RBM20: variants seen among roughly 807,000 people sequenced by gnomAD.
RBM20 encodes RNA-binding protein 20.
A neutral mutation model predicts 110.1 loss-of-function variants in RBM20; 51 were observed. The observed-to-expected ratio is 0.46, with a 90% CI of 0.37 to 0.59. The LOEUF is 0.59. RBM20 is among the 20% of genes least tolerant of loss of function. The pLI, the probability that RBM20 is intolerant of heterozygous loss-of-function variation, is 0.00. For synonymous variants in RBM20, 589 were observed against 618.2 expected, an observed-to-expected ratio of 0.95 and a Z score of 0.70; for missense variants, 1,512 against 1,574.9, an observed-to-expected ratio of 0.96 and a Z score of 0.68.
chr10:110,672,015 C>A (rs1862266687), intron 1 of RBM20, among the ~76,000 whole-genome samples: 1 of 152,012 alleles, frequency 6.6e-6, no homozygotes, highest in Admixed American at 6.6e-5. Context: ...CAAATTCACC[C>A]CAGAGGGACA....
At position 110,812,571 on chromosome 10, in the gene RBM20, A is replaced by C. The variant is rs967504449; in HGVS notation, c.2174A>C (p.Glu725Ala). Residue 725 changes from glutamate (E) to alanine (A), a missense_variant, in exon 9 of 14, where the codon GAG becomes GCG. Around this residue, in one of 3 missense-constraint regions of RBM20, gnomAD observed 1,149 missense variants for 1,169.4 expected, o/e 0.98. Transcript: ENST00000369519. ...CAACTGGACAAGGCTGAGTTGGACG[A>C]GCGACCAGAAGGAGGGAGGCCCCAC... ...PRQLDKAELD[E>A]RPEGGRPHRE... 2.6e-6 allele frequency: 4 copies of C among 1,551,708 alleles called. No individual in the cohort carries two copies. In the East Asian group the frequency reaches 9.8e-5, roughly 38 times the overall value.
intron 1 of RBM20, among the ~76,000 whole-genome samples, chr10:110,667,418 G>C (rs1353870742): frequency 1.3e-5 from 2 of 152,196 alleles, no homozygotes; most frequent in Non-Finnish European, 2.9e-5. Flanking sequence ...TTTCTACCTG[G>C]CTCCATTTTA....
At chr10:110,655,721 A>G (rs1439176546) in intron 1 of RBM20, among the ~76,000 whole-genome samples, 5 of 152,214 alleles carry the variant, frequency 3.3e-5, no homozygotes, top group Non-Finnish European at 4.4e-5. Flanking sequence ...TTAAGAAACC[A>G]TGGTCTGTAA....
At chr10:110,800,536 A>G (rs569888000) in intron 7 of RBM20, among the ~76,000 whole-genome samples, 9 of 152,282 alleles carry the variant, frequency 5.9e-5, no homozygotes, top group Admixed American at 1.3e-4. Flanking sequence ...TATATATTGT[A>G]TGGTTTAAAA....
At chr10:110,796,301 T>G (rs1350151094) in intron 5 of RBM20, among the ~76,000 whole-genome samples, 1 of 152,252 alleles carries the variant, frequency 6.6e-6, no homozygotes, top group East Asian at 1.9e-4. Context: ...TTGCAAAAAT[T>G]TTTAAACATA....
chr10:110,756,766 C>T (rs1042457406), intron 1 of RBM20: 4 of 152,224 alleles, frequency 2.6e-5, no homozygotes, highest in African/African-American at 4.8e-5. Flanking sequence ...ACGATATATG[C>T]ATCAGAGCAG....
chr10:110,807,385 A>T (rs1183010008), intron 7 of RBM20, among the ~76,000 whole-genome samples: 1 of 152,212 alleles, frequency 6.6e-6, no homozygotes, highest in African/African-American at 2.4e-5. Flanking sequence ...AGCTCACTCT[A>T]ACTGCACCTC....
At chr10:110,806,320 T>C (rs904156702) in intron 7 of RBM20, among the ~76,000 whole-genome samples, 4 of 150,838 alleles carry the variant, frequency 2.7e-5, no homozygotes, top group Non-Finnish European at 5.9e-5. Context: ...AGAAAAGAGC[T>C]TTAATTGGCT....
chr10:110,807,943 C>T (rs550088445), intron 7 of RBM20, among the ~76,000 whole-genome samples: 10 of 152,330 alleles, frequency 6.6e-5, no homozygotes, highest in East Asian at 5.8e-4. Flanking sequence ...GGCTTCCCGG[C>T]GATGGCAGAT....
intron 1 of RBM20, among the ~76,000 whole-genome samples, chr10:110,720,710 C>T (rs1422873442): frequency 8.7e-5 from 13 of 150,256 alleles, no homozygotes; most frequent in Admixed American, 5.3e-4. Context: ...GCCCCTGCAG[C>T]CTGCTCTCCT....
chr10:110,769,225 T>A (rs1465824978), intron 1 of RBM20, among the ~76,000 whole-genome samples: 1 of 152,194 alleles, frequency 6.6e-6, no homozygotes, highest in Admixed American at 6.5e-5. Context: ...GTTTGAGATC[T>A]AGTGATACAG....
In RBM20 at chr10:110,715,926, C is replaced by A. The variant is rs565753097; in HGVS notation, c.192-64875C>A. On this transcript the variant is annotated intron_variant, in intron 1 of 13. Transcript: ENST00000369519. ...CTACAAGGGAGGCAGAAAGCGTAATCCCCCTGTGTGCCCAGAAGAAAAGAA... is the reference window on the plus strand; with the variant it reads ...CTACAAGGGAGGCAGAAAGCGTAATACCCCTGTGTGCCCAGAAGAAAAGAA... Among the ~76,000 whole-genome samples the A allele has an allele frequency of 3.9e-5, 6 of 152,282 alleles. No individual in the cohort carries two copies. In the South Asian group the frequency reaches 1.2e-3, roughly 32 times the overall value.
At position 110,789,489 on chromosome 10, in the gene RBM20, G is replaced by A. The variant is rs116224238; in HGVS notation, c.1527+4600G>A. ...TATTTATTTATCGAGACAGGGTCTC[G>A]CTGTGTCACCCAGGCTGGAGTGCAG... On this transcript the variant is annotated intron_variant, in intron 5 of 13. Coordinates refer to ENST00000369519, the MANE Select transcript of RBM20 (RefSeq NM_001134363.3). 3.6e-3 allele frequency among the ~76,000 whole-genome samples: 544 copies of A among 149,660 alleles called. 2 individuals carry two copies. Among genetic ancestry groups the A allele is most frequent in the African/African-American group, 0.013 (522 of 40,602 alleles).
intron 1 of RBM20, among the ~76,000 whole-genome samples, chr10:110,706,923 G>T (rs1862848305): frequency 1.3e-5 from 2 of 152,086 alleles, no homozygotes; most frequent in Non-Finnish European, 1.5e-5. Context: ...TTCTCATCGT[G>T]TATAAAAGAT....
At chr10:110,815,902 G>A (rs761594321) in intron 9 of RBM20, among the ~76,000 whole-genome samples, 35 of 152,188 alleles carry the variant, frequency 2.3e-4, no homozygotes, top group Non-Finnish European at 4.7e-4. Context: ...CTCACAGATT[G>A]TGTCTTTAGG....
At chr10:110,794,213 A>G (rs1844520238) in intron 5 of RBM20, among the ~76,000 whole-genome samples, 1 of 152,244 alleles carries the variant, frequency 6.6e-6, no homozygotes, top group Admixed American at 6.5e-5. Flanking sequence ...GAAAACAGCT[A>G]CTATTCTACA....
At chr10:110,777,728 C>T (rs1844285957) in intron 1 of RBM20, among the ~76,000 whole-genome samples, 1 of 152,200 alleles carries the variant, frequency 6.6e-6, no homozygotes, top group African/African-American at 2.4e-5. Flanking sequence ...CGTGTCCTTT[C>T]AGTGGCAAAG....
At chr10:110,791,180 A>C (rs1844478619) in intron 5 of RBM20, among the ~76,000 whole-genome samples, 1 of 152,260 alleles carries the variant, frequency 6.6e-6, no homozygotes, top group Non-Finnish European at 1.5e-5. Flanking sequence ...GATAGGTTCA[A>C]AATCAACATC....
Position 110,781,452 on chromosome 10 carries a change from T to C in RBM20, c.843T>C (p.Asp281=). 6.4e-7 allele frequency: 1 copy of C among 1,551,516 alleles called. No homozygotes were observed. The highest frequency in any genetic ancestry group is 1.7e-4 in the Middle Eastern group (1 of 5,992). The change falls in exon 2 of 14, where the codon GAT becomes GAC. Residue 281 remains aspartate (D), a synonymous_variant. Transcript: ENST00000369519. The part of the protein sequence containing the change: ...GQDGQAAFSK[D]FYGPNSQGSH... ...ATGGTCAAGCTGCCTTTTCCAAAGATTTTTACGGACCCAACTCCCAAGGTT... is the reference window on the plus strand; with the variant it reads ...ATGGTCAAGCTGCCTTTTCCAAAGACTTTTACGGACCCAACTCCCAAGGTT...
Sources: allele counts gnomAD v4.1 joint callset (sites outside exome capture counted in the v4.1 genomes callset), GRCh38; gene constraint gnomAD v4.1.1; regional missense constraint gnomAD v4.1.1; transcripts MANE v1.5; gene names NCBI Gene and HGNC (gene_info 2026-07-23, HGNC 2026-07-21).